CCDC13: variants seen among roughly 807,000 people sequenced by gnomAD.
The protein encoded by CCDC13 is coiled-coil domain containing 13, also known as coiled-coil domain-containing protein 13.
A neutral mutation model predicts 87.3 loss-of-function variants in CCDC13; 70 were observed. The ratio of observed to expected loss-of-function variants is 0.80; its 90% CI spans 0.66 to 0.98. The LOEUF (loss-of-function observed/expected upper bound fraction) is 0.98, where lower values mean the gene tolerates loss of function less well. CCDC13 is among the 50% of genes least tolerant of loss of function. The probability of loss-of-function intolerance (pLI) is 0.00; values close to 1 mark genes in which losing one functional copy is unlikely to be tolerated. For synonymous variants in CCDC13, 317 were observed against 360.3 expected (o/e 0.88, Z 1.36); for missense variants, 842 against 892.0 (o/e 0.94, Z 0.71).
In CCDC13 at chr3:42,734,963, G is replaced by A. The variant is rs144014546; in HGVS notation, c.1371+744C>T. ...TGTGCTTGCTCCAGTGCCAGGCACT[G>A]AGGCACCACGGTCTGTGCTCCCTTA... On this transcript the variant is annotated intron_variant, in intron 10 of 15. Coordinates refer to ENST00000310232, the MANE Select transcript of CCDC13 (RefSeq NM_144719.4). Among the ~76,000 whole-genome samples the A allele has an allele frequency of 4.9e-3, 747 of 152,396 alleles. 7 individuals are homozygous for A. The highest frequency in any genetic ancestry group is 0.017 in the African/African-American group (719 of 41,600).
intron 1 of CCDC13, among the ~76,000 whole-genome samples, chr3:42,759,403 T>C (rs339674): frequency 0.014 from 2,137 of 152,290 alleles, 54 homozygotes; most frequent in African/African-American, 0.049. Flanking sequence ...AAGAACATTT[T>C]CATCACCCCA....
Position 42,739,900 on chromosome 3 carries a change from G to A in CCDC13, c.988-90C>T, listed in dbSNP as rs191175519. ...TGGCTCCTACTCAATGGCAAGGCCC[G>A]GGGCTGGGGGTGGGGGTGCTTGTTG... On this transcript the variant is annotated intron_variant, in intron 8 of 15. Transcript: ENST00000310232. 297 of 1,266,264 alleles carry A rather than the reference G, an allele frequency of 2.3e-4. 2 individuals carry two copies. In the Admixed American group the frequency reaches 3.1e-3, roughly 13 times the overall value. 78.4% of individuals were successfully genotyped at this position (1,266,264 alleles called of 1,614,324 possible).
intron 1 of CCDC13, among the ~76,000 whole-genome samples, chr3:42,762,470 G>C (rs933766663): frequency 6.6e-6 from 1 of 152,206 alleles, no homozygotes; most frequent in Admixed American, 6.5e-5. Context: ...GTGCAGGGTA[G>C]GCTGGAGGGG....
At chr3:42,771,479 G>C (rs1393630365) in intron 1 of CCDC13, among the ~76,000 whole-genome samples, 2 of 152,160 alleles carry the variant, frequency 1.3e-5, no homozygotes, top group Non-Finnish European at 2.9e-5. Context: ...CACTGGCCAG[G>C]TGTGATGACT....
chr3:42,711,103 G>C (rs1698298928), intron 14 of CCDC13, among the ~76,000 whole-genome samples: 1 of 152,052 alleles, frequency 6.6e-6, no homozygotes, highest in African/African-American at 2.4e-5. Flanking sequence ...TAAATTAGCA[G>C]GGTGTGGTGG....
chr3:42,716,126 G>A (rs1392059287), intron 13 of CCDC13, among the ~76,000 whole-genome samples: 1 of 151,946 alleles, frequency 6.6e-6, no homozygotes, highest in Non-Finnish European at 1.5e-5. Context: ...ACTGTGTTAA[G>A]GCACTGCATA....
At chr3:42,770,162 T>G (rs1315853618) in intron 1 of CCDC13, among the ~76,000 whole-genome samples, 1 of 152,224 alleles carries the variant, frequency 6.6e-6, no homozygotes, top group African/African-American at 2.4e-5. Context: ...CCTTTGTGTC[T>G]AGCTAAGGGA....
intron 13 of CCDC13, among the ~76,000 whole-genome samples, chr3:42,722,174 G>A (rs1475676001): frequency 6.6e-6 from 1 of 152,170 alleles, no homozygotes; most frequent in Admixed American, 6.5e-5. Flanking sequence ...GGACTCAAGA[G>A]TTATGAATGG....
chr3:42,732,341 G>C (rs1162896193), intron 12 of CCDC13, among the ~76,000 whole-genome samples: 1 of 152,210 alleles, frequency 6.6e-6, no homozygotes, highest in East Asian at 1.9e-4. Flanking sequence ...TGACCTGCCT[G>C]AGGGGTCAGG....
At chr3:42,760,950 T>G (rs1699819999) in intron 1 of CCDC13, among the ~76,000 whole-genome samples, 1 of 152,214 alleles carries the variant, frequency 6.6e-6, no homozygotes, top group Non-Finnish European at 1.5e-5. Context: ...ATTTTTAAAT[T>G]GTATTAGACA....
chr3:42,745,880 A>T, intron 7 of CCDC13, 43 bp downstream of exon 7: 1 of 1,526,136 alleles, frequency 6.6e-7, no homozygotes, highest in South Asian at 1.1e-5. Context: ...GGGGTGTTTT[A>T]AATCCTTTGT....
At chr3:42,713,488 T>C (rs1698361606) in intron 13 of CCDC13, among the ~76,000 whole-genome samples, 172 bp from the exon 14 acceptor site, 2 of 152,184 alleles carry the variant, frequency 1.3e-5, no homozygotes, top group African/African-American at 4.8e-5. Flanking sequence ...TATGGTTCTC[T>C]CCAAGGTTAA....
chr3:42,747,206 C>T (rs781206425), intron 6 of CCDC13, 51 bp downstream of exon 6: 2 of 1,420,920 alleles, frequency 1.4e-6, no homozygotes, highest in Non-Finnish European at 2.0e-6. Flanking sequence ...GTGCTCTTCC[C>T]AAGTCCAGCC....
In CCDC13 at chr3:42,758,335, T is replaced by C; in HGVS notation, c.11A>G (p.Asp4Gly). The change falls in exon 2 of 16, where the codon GAT becomes GGT. Residue 4 changes from aspartate (D) to glycine (G), a missense_variant. Coordinates refer to ENST00000310232, the MANE Select transcript of CCDC13 (RefSeq NM_144719.4). ...CCGCAAAGTGTTCTGTGAGCTTTCA[T>C]CTGCTGCCATCCTGCCCTAGGCATC... MAA[D>G]ESSQNTLRLQ... 6.2e-7 allele frequency: 1 copy of C among 1,612,442 alleles called. No homozygotes were observed. The highest frequency in any genetic ancestry group is 8.5e-7 in the Non-Finnish European group (1 of 1,180,016).
At chr3:42,730,718 C>T in intron 12 of CCDC13, 129 bp from the exon 13 acceptor site, 1 of 1,270,946 alleles carries the variant, frequency 7.9e-7, no homozygotes, top group African/African-American at 1.5e-5. Context: ...GGAAGCAAAC[C>T]CAGTCCCTCT....
chr3:42,735,766 C>G lies in CCDC13; in HGVS notation c.1312G>C (p.Ala438Pro). Residue 438 changes from alanine to proline, a missense_variant, in exon 10 of 16, where the codon GCT becomes CCT. Transcript: ENST00000310232. The part of the protein sequence containing the change: ...SLVAQLQAMV[A>P]EREAKVRQLE... ...TGTCGCACTTTGGCCTCCCGCTCAG[C>G]TACCATGGCCTGCAGCTGGGCGACT... The G allele has an allele frequency of 6.2e-7, 1 of 1,614,262 alleles. No homozygotes were observed. The highest frequency in any genetic ancestry group is 1.3e-5 in the African/African-American group (1 of 75,078).
At chr3:42,757,825 A>C (rs1032204542) in intron 2 of CCDC13, among the ~76,000 whole-genome samples, 1 of 152,208 alleles carries the variant, frequency 6.6e-6, no homozygotes, top group African/African-American at 2.4e-5. Flanking sequence ...AATAATAAAA[A>C]ATAGAAATAA....
rs150590232 is a variant in CCDC13, at chr3:42,761,927, C to T, written c.-6-3576G>A. On this transcript the variant is annotated intron_variant, in intron 1 of 15. Coordinates refer to ENST00000310232, the MANE Select transcript of CCDC13 (RefSeq NM_144719.4). ...CCCGCCAGGAGGAATACTCTACCTA[C>T]CCAAACAGCTTCAACTGCTCTATCT... Among the ~76,000 whole-genome samples the T allele has an allele frequency of 5.3e-4, 81 of 152,332 alleles. No individual in the cohort carries two copies. In the East Asian group the frequency reaches 0.013, roughly 25 times the overall value.
intron 1 of CCDC13, among the ~76,000 whole-genome samples, chr3:42,765,423 G>A (rs1170104208): frequency 6.6e-6 from 1 of 151,958 alleles, no homozygotes; most frequent in Admixed American, 6.6e-5. Context: ...TTATTTTTTT[G>A]AGATGGAGTT....
Sources: gnomAD v4.1 joint callset for allele counts (sites outside exome capture counted in the v4.1 genomes callset) on GRCh38, gnomAD v4.1.1 for gene constraint, MANE v1.5 for transcripts, NCBI Gene and HGNC (gene_info 2026-07-23, HGNC 2026-07-21) for gene names.